Variants in IGF2BP3 observed in about 807,000 individuals in gnomAD.
The protein encoded by IGF2BP3 is insulin like growth factor 2 mRNA binding protein 3.
A neutral mutation model predicts 73.8 loss-of-function variants in IGF2BP3; 9 were observed. That is an observed-to-expected ratio of 0.12 (90% CI 0.07 to 0.21). IGF2BP3 has a LOEUF of 0.21. Ranked by LOEUF, IGF2BP3 falls within the 10% of genes least tolerant of loss-of-function variation. IGF2BP3 has a pLI of 1.00. For missense variants in IGF2BP3, 542 were observed against 714.0 expected (o/e 0.76, Z 2.75); for synonymous variants, 258 against 256.7 (o/e 1.01, Z -0.05).
At chr7:23,338,721 T>G (rs1369736546) in intron 10 of IGF2BP3, among the ~76,000 whole-genome samples, 3 of 152,246 alleles carry the variant, frequency 2.0e-5, no homozygotes, top group African/African-American at 4.8e-5. Flanking sequence ...CCAGGGATTT[T>G]CATTCAAATT....
rs11332587 is a variant in IGF2BP3, at chr7:23,327,278, ATTT to A, written c.1204-8027_1204-8025del. 3.6e-3 allele frequency among the ~76,000 whole-genome samples: 332 copies of A among 92,854 alleles called. 5 individuals are homozygous for A. Among genetic ancestry groups the A allele is most frequent in the African/African-American group, 0.012 (305 of 26,190 alleles). 60.9% of individuals were successfully genotyped at this position (92,854 alleles called of 152,430 possible). ...GCCATAAGACAGATCCTAATTTCTA[ATTT>A]TTTTTTTTTTTTTTTTTGAGACGGA... On this transcript the variant is annotated intron_variant, in intron 10 of 14. Transcript: ENST00000258729.
At chr7:23,466,016 GAAAAAAGGTTT>G in intron 2 of IGF2BP3, among the ~76,000 whole-genome samples, 1 of 148,264 alleles carries the variant, frequency 6.7e-6, no homozygotes, top group African/African-American at 2.4e-5. Flanking sequence ...CAGAGGCAGA[GAAAAAAGGTTT>G]TTTTTTTTTT....
At chr7:23,418,113 A>AT (rs979193766) in intron 3 of IGF2BP3, among the ~76,000 whole-genome samples, 5 of 152,056 alleles carry the variant, frequency 3.3e-5, no homozygotes, top group Admixed American at 2.0e-4. Flanking sequence ...GTTAGTCTTG[A>AT]TTTTTTTTAT....
chr7:23,318,215 T>C (rs753479900), intron 11 of IGF2BP3, among the ~76,000 whole-genome samples: 4 of 152,142 alleles, frequency 2.6e-5, no homozygotes, highest in African/African-American at 7.2e-5. Flanking sequence ...TCAAGGATAC[T>C]GCACACCACA....
chr7:23,444,352 T>C (rs1036881785), intron 2 of IGF2BP3, among the ~76,000 whole-genome samples: 2 of 152,166 alleles, frequency 1.3e-5, no homozygotes, highest in Non-Finnish European at 2.9e-5. Context: ...TGGGTGAATA[T>C]ACTTTACTCC....
At chr7:23,375,664 A>T (rs888280201) in intron 3 of IGF2BP3, among the ~76,000 whole-genome samples, 1 of 152,220 alleles carries the variant, frequency 6.6e-6, no homozygotes, top group Admixed American at 6.5e-5. Context: ...ACAGAATAAG[A>T]AGTGAATTTT....
intron 2 of IGF2BP3, among the ~76,000 whole-genome samples, chr7:23,435,608 A>C (rs954212840): frequency 3.0e-4 from 45 of 151,666 alleles, no homozygotes; most frequent in African/African-American, 1.0e-3. Context: ...GGCGCCCACC[A>C]CCACGCCCGG....
At chr7:23,331,191 T>TACCATGATGATTTGGG (rs1465115706) in intron 10 of IGF2BP3, among the ~76,000 whole-genome samples, 3 of 152,226 alleles carry the variant, frequency 2.0e-5, no homozygotes, top group Admixed American at 6.5e-5. Flanking sequence ...ATACATGTAC[T>TACCATGATGATTTGGG]ACCATGATGA....
At chr7:23,346,509 G>C (rs1784831004) in intron 7 of IGF2BP3, among the ~76,000 whole-genome samples, 1 of 152,202 alleles carries the variant, frequency 6.6e-6, no homozygotes, top group Non-Finnish European at 1.5e-5. Context: ...TTTTCATTTT[G>C]TAGCTTTCTG....
intron 9 of IGF2BP3, 56 bp downstream of exon 9, chr7:23,343,662 A>T: frequency 4.0e-6 from 6 of 1,504,792 alleles, no homozygotes; most frequent in Non-Finnish European, 5.5e-6. Flanking sequence ...TGCAGTTAAA[A>T]ACATTGTTTT....
chr7:23,387,239 T>C (rs1377821389), intron 3 of IGF2BP3, among the ~76,000 whole-genome samples: 1 of 152,144 alleles, frequency 6.6e-6, no homozygotes, highest in African/African-American at 2.4e-5. Flanking sequence ...AGTCTAATAA[T>C]GGGAAAAACT....
chr7:23,378,572 T>G (rs1265633457), intron 3 of IGF2BP3, among the ~76,000 whole-genome samples: 1 of 126,712 alleles, frequency 7.9e-6, no homozygotes, highest in Admixed American at 7.6e-5. Context: ...TTTGCTTGTT[T>G]TTTTTTTTTT....
intron 1 of IGF2BP3, 43 bp from the exon 2 acceptor site, chr7:23,468,585 G>T (rs776600507): frequency 1.3e-6 from 2 of 1,595,294 alleles, no homozygotes; most frequent in African/African-American, 2.7e-5. Context: ...GAGTTCAGCG[G>T]CTCTCCCTGC....
rs760007804 is a variant in IGF2BP3 at position 23,311,026 on chromosome 7, A to G, written c.*1336T>C. On this transcript the variant is annotated 3_prime_UTR_variant, in exon 15 of 15. Coordinates refer to ENST00000258729, the MANE Select transcript of IGF2BP3 (RefSeq NM_006547.3). ...ATTATATCCCAAAAACTTTTCTTGT[A>G]TTCTCTATCTTTTGACTTTTTTTTC... The G allele has an allele frequency of 1.3e-4, 20 of 152,098 alleles. No homozygotes were observed. Among genetic ancestry groups the G allele is most frequent in the Non-Finnish European group, 1.9e-4 (13 of 68,012 alleles). 9.4% of individuals were successfully genotyped at this position (152,098 alleles called of 1,614,324 possible). A position where few individuals can be genotyped will look rare whatever the true frequency, so the allele number is the denominator to read the frequency against.
chr7:23,331,620 A>T (rs2128497549), intron 10 of IGF2BP3, among the ~76,000 whole-genome samples: 1 of 152,194 alleles, frequency 6.6e-6, no homozygotes, highest in East Asian at 1.9e-4. Flanking sequence ...AACACTTTGG[A>T]AGGCCAAGGT....
At chr7:23,324,438 C>G (rs1784238388) in intron 10 of IGF2BP3, among the ~76,000 whole-genome samples, 2 of 146,006 alleles carry the variant, frequency 1.4e-5, no homozygotes, top group South Asian at 4.5e-4. Context: ...AATAGCTTAC[C>G]AACCAAAAAG....
intron 3 of IGF2BP3, chr7:23,402,227 C>T (rs1162964996): frequency 6.6e-6 from 1 of 152,180 alleles, no homozygotes; most frequent in African/African-American, 2.4e-5. Context: ...GAAATCAGAT[C>T]ATCTAAGATG....
intron 2 of IGF2BP3, among the ~76,000 whole-genome samples, chr7:23,454,549 A>T (rs999872170): frequency 7.2e-5 from 11 of 152,222 alleles, no homozygotes; most frequent in Admixed American, 4.6e-4. Context: ...GAAGTCCTTT[A>T]CAGACATTAT....
Position 23,322,101 on chromosome 7 carries a change from C to T in IGF2BP3, c.1204-2847G>A, listed in dbSNP as rs990180827. ...GTGACTTTGATGAGCTGAGAGAAGGCTTCAGACAATCCAATTACTGTGAGC... is the reference window on the plus strand; with the variant it reads ...GTGACTTTGATGAGCTGAGAGAAGGTTTCAGACAATCCAATTACTGTGAGC... On this transcript the variant is annotated intron_variant, in intron 10 of 14. Transcript: ENST00000258729. 2.6e-5 allele frequency among the ~76,000 whole-genome samples: 4 copies of T among 152,114 alleles called. No homozygotes were observed. In the East Asian group the frequency reaches 7.7e-4, roughly 29 times the overall value.
Sources: gnomAD v4.1 joint callset for allele counts (sites outside exome capture counted in the v4.1 genomes callset) on GRCh38, gnomAD v4.1.1 for gene constraint, MANE v1.5 for transcripts, NCBI Gene and HGNC (gene_info 2026-07-23, HGNC 2026-07-21) for gene names.